Variants in SRRM1 observed in about 807,000 individuals in gnomAD.
The protein encoded by SRRM1 is serine/arginine repetitive matrix protein 1.
A neutral mutation model predicts 110.2 loss-of-function variants in SRRM1; 19 were observed. The observed-to-expected ratio is 0.17, with a 90% CI of 0.12 to 0.25. The LOEUF (loss-of-function observed/expected upper bound fraction) is 0.25, where lower values mean the gene tolerates loss of function less well. Ranked by LOEUF, SRRM1 falls within the 10% of genes least tolerant of loss-of-function variation. SRRM1 has a pLI of 1.00. For missense variants in SRRM1, 918 were observed against 1,145.8 expected (o/e 0.80, Z 2.87); for synonymous variants, 443 against 414.9 (o/e 1.07, Z -0.82).
At chr1:24,660,682 T>A (rs1029194770) in intron 9 of SRRM1, 37 bp from the exon 10 acceptor site, 2 of 1,191,596 alleles carry the variant, frequency 1.7e-6, no homozygotes, top group South Asian at 1.5e-5. Flanking sequence ...GACCTTTTTT[T>A]GTACGTAAGC....
chr1:24,660,698 T>G, intron 9 of SRRM1, 21 bp from the exon 10 acceptor site: 1 of 1,424,954 alleles, frequency 7.0e-7, no homozygotes, highest in Non-Finnish European at 9.5e-7. Context: ...TAAGCTTTTT[T>G]CCACTCTTAT....
In SRRM1 at chr1:24,651,400, T is replaced by G; in HGVS notation, c.522-9T>G. 2.5e-6 allele frequency: 4 copies of G among 1,610,426 alleles called. No homozygotes were observed. The highest frequency in any genetic ancestry group is 3.4e-6 in the Non-Finnish European group (4 of 1,178,446). On this transcript the variant is annotated splice_polypyrimidine_tract_variant and intron_variant, in intron 5 of 16. Coordinates refer to ENST00000323848, the MANE Select transcript of SRRM1 (RefSeq NM_005839.4). Reference sequence around the variant, plus strand: ...TTTAAAAACCTGAAAAAAATTACTTTCATCCTAGACGCAAATCCAGATCTC... The same window carrying G: ...TTTAAAAACCTGAAAAAAATTACTTGCATCCTAGACGCAAATCCAGATCTC...
chr1:24,649,134 C>T (rs1408705299), intron 4 of SRRM1, 105 bp downstream of exon 4: 5 of 1,023,966 alleles, frequency 4.9e-6, no homozygotes, highest in Middle Eastern at 2.8e-4. Flanking sequence ...TGTAGTTTTG[C>T]TTTGCTGTAC....
rs927344186 is a variant in SRRM1, at chr1:24,669,181, A to G, written c.1798A>G (p.Ile600Val). 8 of 1,613,692 alleles carry G rather than the reference A, an allele frequency of 5.0e-6. No homozygotes were observed. The highest frequency in any genetic ancestry group is 6.8e-6 in the Non-Finnish European group (8 of 1,179,966). ...SPSPRRYSPP[I>V]QRRYSPSPPP... ...TTCTCCTAGAAGATACTCTCCTCCA[A>G]TACAGAGGAGATACTCTCCTTCTCC... The change falls in exon 14 of 17, where the codon ATA (isoleucine) becomes GTA (valine). Residue 600 changes from isoleucine to valine, a missense_variant. Physicochemically the swap from Ile to Val is conservative, Grantham distance 29. This residue lies in a region of SRRM1 where 357 missense variants were observed against 402.9 expected (regional missense o/e 0.89). Coordinates refer to ENST00000323848, the MANE Select transcript of SRRM1 (RefSeq NM_005839.4).
rs1283842027 is a variant in SRRM1 at position 24,672,423 on chromosome 1, AGG to A, written c.*141_*142del. 1.7e-6 allele frequency: 1 copy of A among 581,250 alleles called. No homozygotes were observed. The highest frequency in any genetic ancestry group is 1.9e-5 in the African/African-American group (1 of 52,634). The allele number at this position is 581,250 out of a possible 1,614,324, so 36.0% of individuals were successfully genotyped here. A position where few individuals can be genotyped will look rare whatever the true frequency, so the allele number is the denominator to read the frequency against. On this transcript the variant is annotated 3_prime_UTR_variant, in exon 17 of 17. Transcript: ENST00000323848. ...AGGTTGAAGTTCAACATGTAAAAAA[AGG>A]GGGCATGGATTTACATTGCAAAAGG...
chr1:24,643,472 G>A, intron 1 of SRRM1, 125 bp downstream of exon 1: 1 of 634,472 alleles, frequency 1.6e-6, no homozygotes, highest in Non-Finnish European at 2.3e-6. Context: ...ATTCCTCCTA[G>A]AGCCGGCGCA....
intron 1 of SRRM1, among the ~76,000 whole-genome samples, chr1:24,645,666 C>T (rs1002626304): frequency 6.6e-6 from 1 of 152,138 alleles, no homozygotes; most frequent in Non-Finnish European, 1.5e-5. Flanking sequence ...AAAAGCCCTA[C>T]GTATCTATTA....
chr1:24,655,442 AT>A (rs1197851015), intron 9 of SRRM1, among the ~76,000 whole-genome samples: 2 of 152,144 alleles, frequency 1.3e-5, no homozygotes, highest in Non-Finnish European at 1.5e-5. Flanking sequence ...GGATCATTTT[AT>A]TACTATGAGA....
At chr1:24,655,510 C>T (rs1033149292) in intron 9 of SRRM1, among the ~76,000 whole-genome samples, 5 of 151,854 alleles carry the variant, frequency 3.3e-5, no homozygotes, top group Admixed American at 6.6e-5. Context: ...AATAAGAGGA[C>T]TTCATATTCT....
intron 1 of SRRM1, among the ~76,000 whole-genome samples, chr1:24,645,064 T>A (rs981295306): frequency 1.3e-5 from 2 of 152,220 alleles, no homozygotes; most frequent in Non-Finnish European, 2.9e-5. Flanking sequence ...ATAGAAGTTA[T>A]ATCTTCCATT....
chr1:24,672,153 C>T (rs1673128188), intron 16 of SRRM1, 29 bp from the exon 17 acceptor site: 1 of 1,552,818 alleles, frequency 6.4e-7, no homozygotes, highest in Non-Finnish European at 8.8e-7. Flanking sequence ...GGTCTCAAGA[C>T]TTAACCGTGT....
chr1:24,651,363 C>A, intron 5 of SRRM1, 46 bp from the exon 6 acceptor site: 1 of 1,506,400 alleles, frequency 6.6e-7, no homozygotes, highest in Non-Finnish European at 9.2e-7. Context: ...TCCTCTCTTC[C>A]AATCCATGTT....
At chr1:24,643,707 G>C (rs1159081311) in intron 1 of SRRM1, 2 of 312,054 alleles carry the variant, frequency 6.4e-6, no homozygotes, top group Non-Finnish European at 1.2e-5. Flanking sequence ...GAAGTCCCGA[G>C]TGGGAGGCCA....
At chr1:24,663,819 A>G (rs1057106426) in intron 12 of SRRM1, among the ~76,000 whole-genome samples, 5 of 150,698 alleles carry the variant, frequency 3.3e-5, no homozygotes, top group Non-Finnish European at 3.0e-5. Context: ...GGAGGTTGCA[A>G]TGAGCTGAGA....
intron 3 of SRRM1, chr1:24,647,705 A>G (rs1557652742): frequency 6.6e-6 from 1 of 152,644 alleles, no homozygotes; most frequent in Non-Finnish European, 1.5e-5. Flanking sequence ...CTGATAAGGT[A>G]TTTCTAGTTT....
intron 9 of SRRM1, among the ~76,000 whole-genome samples, chr1:24,658,816 G>C (rs1413772897): frequency 6.6e-6 from 1 of 152,192 alleles, no homozygotes; most frequent in East Asian, 1.9e-4. Flanking sequence ...TATTTGCACT[G>C]TCATGATTCC....
At chr1:24,654,709 C>T (rs1188107521) in intron 8 of SRRM1, 146 bp from the exon 9 acceptor site, 1 of 926,186 alleles carries the variant, frequency 1.1e-6, no homozygotes, top group Non-Finnish European at 1.6e-6. Context: ...GTTTTTTCCC[C>T]CATTCTTTTG....
intron 3 of SRRM1, chr1:24,648,367 A>G (rs1412788244): frequency 6.6e-6 from 1 of 152,528 alleles, no homozygotes. Context: ...CAGAAGTTAC[A>G]GACTGCATGC....
At chr1:24,669,714 T>C (rs1217440982) in intron 14 of SRRM1, 127 bp downstream of exon 14, 4 of 767,004 alleles carry the variant, frequency 5.2e-6, no homozygotes, top group Non-Finnish European at 8.3e-6. Flanking sequence ...CTTGAGGTAC[T>C]ATTTACAGAT....
Sources: allele counts gnomAD v4.1 joint callset (sites outside exome capture counted in the v4.1 genomes callset), GRCh38; gene constraint gnomAD v4.1.1; regional missense constraint gnomAD v4.1.1; transcripts MANE v1.5; gene names NCBI Gene and HGNC (gene_info 2026-07-23, HGNC 2026-07-21).